DNAJB14: variants seen among roughly 807,000 people sequenced by gnomAD.
The protein encoded by DNAJB14 is DnaJ heat shock protein family (Hsp40) member B14, also known as dnaJ homolog subfamily B member 14.
DNAJB14 carries 22 observed loss-of-function variants against 48.4 expected under a neutral mutation model. The ratio of observed to expected loss-of-function variants is 0.45; its 90% CI spans 0.32 to 0.65. The LOEUF (loss-of-function observed/expected upper bound fraction) is 0.65, where lower values mean the gene tolerates loss of function less well. Ranked by LOEUF, DNAJB14 falls within the 30% of genes least tolerant of loss-of-function variation. DNAJB14 has a pLI of 0.03. For missense variants in DNAJB14, 319 were observed against 458.8 expected, an observed-to-expected ratio of 0.70 and a Z score of 2.78; for synonymous variants, 142 against 158.7, an observed-to-expected ratio of 0.89 and a Z score of 0.79.
At chr4:99,916,517 C>T (rs767866309) in intron 3 of DNAJB14, among the ~76,000 whole-genome samples, 4 of 152,188 alleles carry the variant, frequency 2.6e-5, no homozygotes, top group Non-Finnish European at 5.9e-5. Context: ...AATGTAATTA[C>T]TGATAAGTTA....
chr4:99,910,877 T>C (rs1725634295), intron 3 of DNAJB14, among the ~76,000 whole-genome samples: 1 of 152,100 alleles, frequency 6.6e-6, no homozygotes, highest in African/African-American at 2.4e-5. Context: ...ACAGATCCAC[T>C]GTACCTTTCC....
At chr4:99,933,513 G>A (rs998521480) in intron 1 of DNAJB14, among the ~76,000 whole-genome samples, 1 of 151,814 alleles carries the variant, frequency 6.6e-6, no homozygotes, top group Non-Finnish European at 1.5e-5. Flanking sequence ...GGCCAGGCTG[G>A]TCTCAAACTC....
chr4:99,935,620 T>TA (rs1328144676), intron 1 of DNAJB14, among the ~76,000 whole-genome samples: 9 of 152,344 alleles, frequency 5.9e-5, no homozygotes, highest in African/African-American at 1.7e-4. Flanking sequence ...ACACTGTAGA[T>TA]ACGGTTTGAA....
rs189529200 is a variant in DNAJB14 at position 99,932,424 on chromosome 4, A to T, written c.134-1803T>A. On this transcript the variant is annotated intron_variant, in intron 1 of 7. Coordinates refer to ENST00000442697, the MANE Select transcript of DNAJB14 (RefSeq NM_001031723.4). ...CACAAAAAAAAAGTTGCTCAACATC[A>T]TTAGCTATTAGGGAAATAAAAATCA... Among the ~76,000 whole-genome samples, 17 of 152,290 alleles carry T rather than the reference A, an allele frequency of 1.1e-4. No individual in the cohort carries two copies. The East Asian group carries it at 2.7e-3, about 24-fold the overall frequency.
rs201755453 is a variant in DNAJB14 at position 99,935,270 on chromosome 4, G to A, written c.134-4649C>T. On this transcript the variant is annotated intron_variant, in intron 1 of 7. Transcript: ENST00000442697. ...CTTATAAAGGAGAGGAAATTAGACT[G>A]TCATCAGACTTTGTTCATCAGTAGT... Among the ~76,000 whole-genome samples the A allele has an allele frequency of 9.2e-5, 14 of 152,298 alleles. No homozygotes were observed. In the East Asian group the frequency reaches 2.7e-3, roughly 29 times the overall value.
rs1578225636 is a variant in DNAJB14 at position 99,922,320 on chromosome 4, C to T, written c.451+720G>A. 5.3e-5 allele frequency among the ~76,000 whole-genome samples: 8 copies of T among 152,188 alleles called. 2 individuals are homozygous for T. The highest frequency in any genetic ancestry group is 5.2e-4 in the Admixed American group (8 of 15,282). On this transcript the variant is annotated intron_variant, in intron 3 of 7. Transcript: ENST00000442697. ...TAAGACCCCACCATTGTACTGTAAA[C>T]ATTATACACTGGGTTTATGAATGCC... is the stretch of plus-strand genomic sequence containing the variant.
In DNAJB14 at chr4:99,914,647, A is replaced by T. The variant is rs567906684; in HGVS notation, c.452-5751T>A. Among the ~76,000 whole-genome samples the T allele has an allele frequency of 7.9e-5, 12 of 152,014 alleles. No individual in the cohort carries two copies. In the South Asian group the frequency reaches 2.1e-3, roughly 26 times the overall value. ...ACCCTAGAACTTAAAGGATAATAAAAATATATATATAAAATAAAAAATAAA... is the reference window on the plus strand; with the variant it reads ...ACCCTAGAACTTAAAGGATAATAAATATATATATATAAAATAAAAAATAAA... On this transcript the variant is annotated intron_variant, in intron 3 of 7. Transcript: ENST00000442697.
intron 7 of DNAJB14, 108 bp from the exon 8 acceptor site, chr4:99,901,260 G>T: frequency 1.0e-6 from 1 of 1,001,708 alleles, no homozygotes; most frequent in Non-Finnish European, 1.4e-6. Context: ...TTGATTAACT[G>T]ACTTAAAAAA....
Position 99,900,612 on chromosome 4 carries a change from A to C in DNAJB14, c.*416T>G, listed in dbSNP as rs931076358. The C allele has an allele frequency of 6.5e-6, 1 of 153,516 alleles. No individual in the cohort carries two copies. Among genetic ancestry groups the C allele is most frequent in the African/African-American group, 2.4e-5 (1 of 41,506 alleles). 9.5% of individuals were successfully genotyped at this position (153,516 alleles called of 1,614,324 possible). ...ATATAACATTTATTCCATCAATTTA[A>C]ACTGAAGTGTCTCATGGAGCTAAAC... On this transcript the variant is annotated 3_prime_UTR_variant, in exon 8 of 8. Transcript: ENST00000442697.
At chr4:99,911,034 C>A (rs1450797978) in intron 3 of DNAJB14, among the ~76,000 whole-genome samples, 1 of 152,088 alleles carries the variant, frequency 6.6e-6, no homozygotes, top group African/African-American at 2.4e-5. Context: ...CCTCCTCCCT[C>A]CCTTCCCAAC....
At chr4:99,918,358 G>A (rs1056400328) in intron 3 of DNAJB14, among the ~76,000 whole-genome samples, 2 of 152,048 alleles carry the variant, frequency 1.3e-5, no homozygotes, top group Non-Finnish European at 2.9e-5. Flanking sequence ...GCTTTGCAGA[G>A]ATTCTTTTAA....
At chr4:99,914,905 T>C (rs1185287293) in intron 3 of DNAJB14, among the ~76,000 whole-genome samples, 2 of 152,212 alleles carry the variant, frequency 1.3e-5, no homozygotes, top group African/African-American at 4.8e-5. Flanking sequence ...TGGTCATTTC[T>C]GTCTTCTTTT....
intron 5 of DNAJB14, chr4:99,905,943 A>C: frequency 1.5e-5 from 19 of 1,306,312 alleles, no homozygotes; most frequent in African/African-American, 3.0e-5. Context: ...TAGATGAGGA[A>C]GTCTTCATTT....
intron 7 of DNAJB14, among the ~76,000 whole-genome samples, chr4:99,901,440 T>C (rs1725291306): frequency 6.6e-6 from 1 of 152,132 alleles, no homozygotes; most frequent in African/African-American, 2.4e-5. Flanking sequence ...GTTTAAAAAC[T>C]ATTCCTCTGA....
intron 6 of DNAJB14, among the ~76,000 whole-genome samples, chr4:99,905,192 TTTTA>T (rs1357344704): frequency 6.6e-6 from 1 of 152,100 alleles, no homozygotes; most frequent in East Asian, 1.9e-4. Flanking sequence ...TAATATTTGC[TTTTA>T]TTTAATCGAT....
chr4:99,924,681 A>T, intron 2 of DNAJB14: 1 of 1,583,012 alleles, frequency 6.3e-7, no homozygotes. Context: ...CCACCTGTGT[A>T]GAGACTCATT....
chr4:99,911,064 A>G (rs1003645075), intron 3 of DNAJB14, among the ~76,000 whole-genome samples: 12 of 152,152 alleles, frequency 7.9e-5, no homozygotes, highest in Admixed American at 3.9e-4. Flanking sequence ...CCATTCATCT[A>G]TTCTCCATTT....
intron 6 of DNAJB14, 63 bp from the exon 7 acceptor site, chr4:99,903,961 C>A: frequency 1.3e-6 from 2 of 1,482,520 alleles, no homozygotes; most frequent in Admixed American, 2.2e-5. Flanking sequence ...TGCTATAAAC[C>A]AAGCAAACAA....
chr4:99,945,184 A>T (rs1257975224), intron 1 of DNAJB14, among the ~76,000 whole-genome samples: 1 of 152,222 alleles, frequency 6.6e-6, no homozygotes, highest in Non-Finnish European at 1.5e-5. Flanking sequence ...AAAAATAGTT[A>T]AGACCGTAAA....
Sources: gnomAD v4.1 joint callset for allele counts (sites outside exome capture counted in the v4.1 genomes callset) on GRCh38, gnomAD v4.1.1 for gene constraint, MANE v1.5 for transcripts, NCBI Gene and HGNC (gene_info 2026-07-23, HGNC 2026-07-21) for gene names.